The following CDH7 variants were observed in gnomAD, a reference collection of about 807,000 sequenced individuals.
The protein encoded by CDH7 is cadherin-7.
A neutral mutation model predicts 71.8 loss-of-function variants in CDH7; 25 were observed. The observed-to-expected ratio is 0.35, with a 90% CI of 0.25 to 0.49. The LOEUF is 0.49. Among genes scored for constraint, CDH7 ranks in the 20% least tolerant of loss-of-function variants. The probability of loss-of-function intolerance (pLI) is 0.99; values close to 1 mark genes in which losing one functional copy is unlikely to be tolerated. For synonymous variants in CDH7, 381 were observed against 363.8 expected (o/e 1.05, Z -0.54); for missense variants, 862 against 974.6 (o/e 0.88, Z 1.54).
chr18:65,820,290 G>C (rs1247570403), intron 4 of CDH7, among the ~76,000 whole-genome samples: 1 of 150,174 alleles, frequency 6.7e-6, no homozygotes, highest in Admixed American at 6.6e-5. Flanking sequence ...TTTTTGCTAA[G>C]CCTAAGTGAC....
chr18:65,835,686 A>G (rs1233835886), intron 6 of CDH7, among the ~76,000 whole-genome samples: 3 of 152,200 alleles, frequency 2.0e-5, no homozygotes, highest in Non-Finnish European at 4.4e-5. Flanking sequence ...CCTGAGCTGT[A>G]AGGTAAACCA....
Position 65,766,885 on chromosome 18 carries a change from TAAAAAA to T in CDH7, c.210+3865_210+3870del, listed in dbSNP as rs61611288. ...CTTAACGTCCTGTAACTGTCTGACG[TAAAAAA>T]AAAAAAAAAAAAAAAAAAAAAAAAA... On this transcript the variant is annotated intron_variant, in intron 2 of 11. Transcript: ENST00000397968. Among the ~76,000 whole-genome samples the T allele has an allele frequency of 1.5e-3, 135 of 88,608 alleles. 1 individual carries two copies. Among genetic ancestry groups the T allele is most frequent in the African/African-American group, 4.0e-3 (128 of 31,822 alleles). The allele number at this position is 88,608 out of a possible 152,430, so 58.1% of individuals were successfully genotyped here.
chr18:65,852,338 CGTTA>C (rs1913179689), intron 7 of CDH7, among the ~76,000 whole-genome samples: 1 of 152,092 alleles, frequency 6.6e-6, no homozygotes, highest in Non-Finnish European at 1.5e-5. Context: ...TATATGCTTG[CGTTA>C]GTTAGAAATT....
intron 11 of CDH7, chr18:65,864,025 A>G (rs924242883): frequency 2.0e-5 from 3 of 152,234 alleles, no homozygotes; most frequent in Non-Finnish European, 2.9e-5. Flanking sequence ...TTACTAATAC[A>G]TTATAAATGC....
rs61611288 is a variant in CDH7 at position 65,766,885 on chromosome 18, T to TAAAA, written c.210+3867_210+3870dup. 5.3e-4 allele frequency among the ~76,000 whole-genome samples: 47 copies of TAAAA among 88,626 alleles called. 5 individuals carry two copies. Among genetic ancestry groups the TAAAA allele is most frequent in the East Asian group, 7.4e-4 (2 of 2,694 alleles). The allele number at this position is 88,626 out of a possible 152,430, so 58.1% of individuals were successfully genotyped here. A position where few individuals can be genotyped will look rare whatever the true frequency, so the allele number is the denominator to read the frequency against. On this transcript the variant is annotated intron_variant, in intron 2 of 11. Coordinates refer to ENST00000397968, the MANE Select transcript of CDH7 (RefSeq NM_004361.5). ...CTTAACGTCCTGTAACTGTCTGACG[T>TAAAA]AAAAAAAAAAAAAAAAAAAAAAAAA...
chr18:65,824,869 T>A, intron 6 of CDH7, 38 bp downstream of exon 6: 1 of 1,404,892 alleles, frequency 7.1e-7, no homozygotes, highest in Non-Finnish European at 9.8e-7. Context: ...CACAGATTAC[T>A]GAGAAGTCCT....
intron 7 of CDH7, among the ~76,000 whole-genome samples, chr18:65,854,768 A>G (rs1913288774): frequency 6.6e-6 from 1 of 152,162 alleles, no homozygotes; most frequent in Admixed American, 6.6e-5. Flanking sequence ...TGATGCATGA[A>G]TGTATGGGTT....
At chr18:65,848,943 G>A (rs1913031564) in intron 7 of CDH7, among the ~76,000 whole-genome samples, 1 of 151,964 alleles carries the variant, frequency 6.6e-6, no homozygotes, top group Non-Finnish European at 1.5e-5. Context: ...ACATATTTGG[G>A]GTGTTTGAAT....
chr18:65,887,523 G>T lies in CDH7; in HGVS notation c.*6629G>T, dbSNP rs900489724. On this transcript the variant is annotated 3_prime_UTR_variant, in exon 12 of 12. Transcript: ENST00000397968. ...AATTTTAAATGCCCAAAAATAAAAG[G>T]AAAAGGAAAAATAAGTCACTACACA... The T allele has an allele frequency of 4.7e-5, 7 of 149,816 alleles. No homozygotes were observed. The highest frequency in any genetic ancestry group is 1.5e-4 in the African/African-American group (6 of 40,692). 9.3% of individuals were successfully genotyped at this position (149,816 alleles called of 1,614,324 possible). A position where few individuals can be genotyped will look rare whatever the true frequency, so the allele number is the denominator to read the frequency against.
In CDH7 at chr18:65,887,449, G is replaced by T. The variant is rs1173033429; in HGVS notation, c.*6555G>T. ...ACCCCACAACAGTCCCTAGAGTGTG[G>T]TGTTCCCCTTCCTGTGTAACTATAT... On this transcript the variant is annotated 3_prime_UTR_variant, in exon 12 of 12. Transcript: ENST00000397968. 2 of 143,744 alleles carry T rather than the reference G, an allele frequency of 1.4e-5. No individual in the cohort carries two copies. The allele number at this position is 143,744 out of a possible 1,614,324, so 8.9% of individuals were successfully genotyped here.
chr18:65,778,220 C>G (rs982249265), intron 2 of CDH7, among the ~76,000 whole-genome samples: 2 of 140,384 alleles, frequency 1.4e-5, no homozygotes, highest in East Asian at 4.3e-4. Context: ...TGCAGTGAGC[C>G]GAGATCATGC....
chr18:65,876,374 A>G (rs1914072941), intron 11 of CDH7, among the ~76,000 whole-genome samples: 1 of 152,192 alleles, frequency 6.6e-6, no homozygotes, highest in Non-Finnish European at 1.5e-5. Flanking sequence ...TTGGTCCAGT[A>G]AGAATGATTT....
chr18:65,779,103 G>A (rs1168068944), intron 2 of CDH7, among the ~76,000 whole-genome samples: 2 of 150,970 alleles, frequency 1.3e-5, no homozygotes, highest in South Asian at 4.2e-4. Flanking sequence ...TGGAAAAAAT[G>A]AGTTTATTTT....
chr18:65,864,741 A>G (rs1388188789), intron 11 of CDH7, among the ~76,000 whole-genome samples: 2 of 151,522 alleles, frequency 1.3e-5, no homozygotes, highest in African/African-American at 4.8e-5. Context: ...ACAAAAAAAA[A>G]TTAGCCAGGA....
rs1911475010 is a variant in CDH7, at chr18:65,810,018, C to T, written c.505+20C>T. Reference sequence around the variant, plus strand: ...CCGTGGGTAAGTAAAGAACACTCTGCTTTTGTAGCTTGTGGCCGATTTGGG... The same window carrying T: ...CCGTGGGTAAGTAAAGAACACTCTGTTTTTGTAGCTTGTGGCCGATTTGGG... On this transcript the variant is annotated intron_variant, in intron 3 of 11. Transcript: ENST00000397968. 2 of 1,584,826 alleles carry T rather than the reference C, an allele frequency of 1.3e-6. No individual in the cohort carries two copies. Among genetic ancestry groups the T allele is most frequent in the Non-Finnish European group, 1.7e-6 (2 of 1,158,056 alleles).
rs34283267 is a variant in CDH7, at chr18:65,811,721, A to G, written c.505+1723A>G. Among the ~76,000 whole-genome samples, 681 of 152,226 alleles carry G rather than the reference A, an allele frequency of 4.5e-3. 1 individual carries two copies. Among genetic ancestry groups the G allele is most frequent in the African/African-American group, 0.015 (636 of 41,552 alleles). On this transcript the variant is annotated intron_variant, in intron 3 of 11. Transcript: ENST00000397968. ...ATTCAACTTCGTACTCCCAGATCTCATGGACATTTTGGTTGTTCTTCATTG... is the reference window on the plus strand; with the variant it reads ...ATTCAACTTCGTACTCCCAGATCTCGTGGACATTTTGGTTGTTCTTCATTG...
chr18:65,812,764 G>A (rs976663619), intron 3 of CDH7, among the ~76,000 whole-genome samples: 1 of 152,090 alleles, frequency 6.6e-6, no homozygotes, highest in Non-Finnish European at 1.5e-5. Context: ...ATGTGTTATT[G>A]TACACAGCCA....
chr18:65,825,639 G>A (rs1427498544), intron 6 of CDH7, among the ~76,000 whole-genome samples: 1 of 151,688 alleles, frequency 6.6e-6, no homozygotes, highest in African/African-American at 2.4e-5. Flanking sequence ...TTTTTTGTCA[G>A]TATGAAAATC....
Position 65,814,513 on chromosome 18 carries a change from G to A in CDH7, c.534G>A (p.Thr178=), listed in dbSNP as rs144190593. Residue 178 remains threonine (T), a synonymous_variant, in exon 4 of 12, where the codon ACG becomes ACA. Coordinates refer to ENST00000397968, the MANE Select transcript of CDH7 (RefSeq NM_004361.5). ...CCTCAGTGGTACAAGTGACAGCGAC[G>A]GATGCTGATGATCCTACATATGGCA... is the stretch of plus-strand genomic sequence containing the variant. The part of the protein sequence containing the change: ...VGTSVVQVTA[T]DADDPTYGNS... The A allele has an allele frequency of 3.2e-5, 51 of 1,613,820 alleles. No homozygotes were observed. Among genetic ancestry groups the A allele is most frequent in the African/African-American group, 1.2e-4 (9 of 74,986 alleles).
Sources: gnomAD v4.1 joint callset for allele counts (sites outside exome capture counted in the v4.1 genomes callset) on GRCh38, gnomAD v4.1.1 for gene constraint, MANE v1.5 for transcripts, NCBI Gene and HGNC (gene_info 2026-07-23, HGNC 2026-07-21) for gene names.